Variants in PIWIL2 observed in about 807,000 individuals in gnomAD.
PIWIL2 encodes piwi like RNA-mediated gene silencing 2.
In PIWIL2, 81 loss-of-function variants were observed where a neutral mutation model predicts 116.5. The observed-to-expected ratio is 0.70, with a 90% CI of 0.58 to 0.84. PIWIL2 has a LOEUF of 0.84. PIWIL2 is among the 40% of genes least tolerant of loss of function. PIWIL2 has a pLI of 0.00. For missense variants in PIWIL2, 1,272 were observed against 1,212.3 expected, an observed-to-expected ratio of 1.05 and a Z score of -0.73; for synonymous variants, 489 against 429.5, an observed-to-expected ratio of 1.14 and a Z score of -1.71.
At chr8:22,290,484 C>G (rs1830734278) in intron 10 of PIWIL2, 138 bp downstream of exon 10, 5 of 578,050 alleles carry the variant, frequency 8.6e-6, no homozygotes. Flanking sequence ...TTTTGTCACC[C>G]TGGCTGGAGT....
intron 20 of PIWIL2, among the ~76,000 whole-genome samples, chr8:22,351,987 C>T (rs1001220998): frequency 1.3e-5 from 2 of 152,182 alleles, no homozygotes; most frequent in African/African-American, 4.8e-5. Context: ...TTTTGTTGCC[C>T]AGGCTGGAGT....
chr8:22,309,962 T>C lies in PIWIL2; in HGVS notation c.1688T>C (p.Ile563Thr), dbSNP rs139133214. ...GLRLQKDVHK[I>T]EGRVLPMERI... ...ATAGATGGTTTATTTTCTGTTTAGA[T>C]TGAAGGACGTGTTCTGCCAATGGAA... Residue 563 changes from isoleucine to threonine, a missense_variant and splice_region_variant, in exon 15 of 23, where the codon ATT becomes ACT. By Grantham distance (89) the Ile-to-Thr change is moderately conservative. Coordinates refer to ENST00000356766, the MANE Select transcript of PIWIL2 (RefSeq NM_018068.5). The C allele has an allele frequency of 1.3e-4, 210 of 1,573,380 alleles. No individual in the cohort carries two copies. Among genetic ancestry groups the C allele is most frequent in the Non-Finnish European group, 1.7e-4 (194 of 1,143,462 alleles).
intron 20 of PIWIL2, among the ~76,000 whole-genome samples, chr8:22,341,526 C>T (rs1050747958): frequency 6.9e-6 from 1 of 145,062 alleles, no homozygotes; most frequent in Admixed American, 7.4e-5. Context: ...ACCTGGGAGG[C>T]GAAGGTTGCG....
chr8:22,347,281 C>T (rs570305397), intron 20 of PIWIL2, among the ~76,000 whole-genome samples: 69 of 149,420 alleles, frequency 4.6e-4, no homozygotes, highest in South Asian at 1.3e-3. Context: ...GGTGTGCTCT[C>T]GGCTCACTGT....
chr8:22,297,932 T>C (rs1830950970), intron 10 of PIWIL2, among the ~76,000 whole-genome samples: 1 of 152,124 alleles, frequency 6.6e-6, no homozygotes, highest in Non-Finnish European at 1.5e-5. Context: ...CTTATATGTA[T>C]AGACAGCAGT....
chr8:22,336,093 A>G (rs1831975750), intron 20 of PIWIL2, among the ~76,000 whole-genome samples: 1 of 152,222 alleles, frequency 6.6e-6, no homozygotes, highest in South Asian at 2.1e-4. Context: ...TATAATAATT[A>G]GATGTAAGAT....
chr8:22,322,420 T>C (rs1831620369), intron 20 of PIWIL2, among the ~76,000 whole-genome samples: 2 of 151,902 alleles, frequency 1.3e-5, no homozygotes, highest in South Asian at 4.2e-4. Context: ...CCAGCTAATT[T>C]TTGTATTTTT....
chr8:22,300,216 A>T (rs2132022557), intron 10 of PIWIL2, among the ~76,000 whole-genome samples: 1 of 152,240 alleles, frequency 6.6e-6, no homozygotes, highest in Non-Finnish European at 1.5e-5. Context: ...GATTATAGGC[A>T]TAAGGGGGGC....
At chr8:22,284,120 T>G in intron 5 of PIWIL2, 42 bp from the exon 6 acceptor site, 1 of 1,072,512 alleles carries the variant, frequency 9.3e-7, no homozygotes. Context: ...TTTGTTTTTT[T>G]GTTTTTGATA....
Position 22,306,762 on chromosome 8 carries a change from A to G in PIWIL2, c.1545+746A>G, listed in dbSNP as rs144042739. ...GAGATTTTTTTCATGTTTACCTTCC[A>G]GTTCTTCTACTTTCACCTACCTTGT... On this transcript the variant is annotated intron_variant, in intron 13 of 22. Coordinates refer to ENST00000356766, the MANE Select transcript of PIWIL2 (RefSeq NM_018068.5). Among the ~76,000 whole-genome samples, 886 of 152,236 alleles carry G rather than the reference A, an allele frequency of 5.8e-3. 7 individuals carry two copies. Among genetic ancestry groups the G allele is most frequent in the Non-Finnish European group, 9.9e-3 (670 of 68,002 alleles).
intron 17 of PIWIL2, 143 bp from the exon 18 acceptor site, chr8:22,314,886 A>G (rs1055256343): frequency 9.4e-6 from 6 of 640,554 alleles, no homozygotes; most frequent in Non-Finnish European, 1.7e-5. Context: ...TAGAAACCCT[A>G]GAATTAGAAT....
chr8:22,334,280 T>C (rs143283316), intron 20 of PIWIL2, among the ~76,000 whole-genome samples: 1 of 151,652 alleles, frequency 6.6e-6, no homozygotes, highest in Admixed American at 6.6e-5. Context: ...TGGCCCTGGG[T>C]ACAAGGTTCT....
At chr8:22,322,520 G>A (rs749284585) in intron 20 of PIWIL2, among the ~76,000 whole-genome samples, 1 of 152,158 alleles carries the variant, frequency 6.6e-6, no homozygotes, top group Non-Finnish European at 1.5e-5. Context: ...CGCCTACTCA[G>A]CGTCCCAGAG....
intron 20 of PIWIL2, among the ~76,000 whole-genome samples, chr8:22,343,435 C>CAA (rs564290226): frequency 4.2e-5 from 6 of 141,920 alleles, no homozygotes; most frequent in African/African-American, 1.6e-4. Context: ...AACTCCATCT[C>CAA]AAAAAAAAAA....
intron 20 of PIWIL2, among the ~76,000 whole-genome samples, chr8:22,338,060 A>G (rs1306619170): frequency 1.3e-5 from 2 of 151,970 alleles, no homozygotes; most frequent in Non-Finnish European, 2.9e-5. Flanking sequence ...TGCCACTGCT[A>G]CAGCCTGTGT....
Position 22,288,609 on chromosome 8 carries a change from A to G in PIWIL2, c.929A>G (p.Lys310Arg), listed in dbSNP as rs751287653. Residue 310 changes from lysine to arginine, a missense_variant, in exon 8 of 23, where the codon AAG becomes AGG. Coordinates refer to ENST00000356766, the MANE Select transcript of PIWIL2 (RefSeq NM_018068.5). ...AEISIKIQMT[K>R]ILEPCSDLCI... ...ATCAGCATTAAGATTCAGATGACAA[A>G]GATCCTGGAGCCCTGCTCTGACCTG... 4 of 1,613,618 alleles carry G rather than the reference A, an allele frequency of 2.5e-6. No homozygotes were observed. The highest frequency in any genetic ancestry group is 3.4e-6 in the Non-Finnish European group (4 of 1,179,596).
rs760403898 is a variant in PIWIL2, at chr8:22,289,878, G to A, written c.1018G>A (p.Gly340Arg). ...VMKLLDMKLV[G>R]RNFYDPTSAM... Reference sequence around the variant, plus strand: ...GAAACTTTTAGATATGAAGCTTGTGGGGAGAAACTTTTATGACCCTACAAG... The same window carrying A: ...GAAACTTTTAGATATGAAGCTTGTGAGGAGAAACTTTTATGACCCTACAAG... Residue 340 changes from glycine to arginine, a missense_variant, in exon 9 of 23, where the codon GGG (glycine) becomes AGG (arginine). By Grantham distance (125) the Gly-to-Arg change is moderately radical. Transcript: ENST00000356766. 9 of 1,611,950 alleles carry A rather than the reference G, an allele frequency of 5.6e-6. No homozygotes were observed. In the South Asian group the frequency reaches 8.8e-5, roughly 16 times the overall value.
intron 15 of PIWIL2, among the ~76,000 whole-genome samples, chr8:22,310,794 C>T (rs953429057): frequency 5.9e-5 from 9 of 152,146 alleles, no homozygotes; most frequent in Non-Finnish European, 1.2e-4. Context: ...TTACCAATTT[C>T]TGTACTTTAC....
intron 20 of PIWIL2, among the ~76,000 whole-genome samples, chr8:22,340,401 C>G (rs951692319): frequency 1.5e-4 from 23 of 152,256 alleles, no homozygotes; most frequent in African/African-American, 5.1e-4. Context: ...TTAAATAAAG[C>G]TTCTCCAGAT....
Sources: gnomAD v4.1 joint callset for allele counts (sites outside exome capture counted in the v4.1 genomes callset) on GRCh38, gnomAD v4.1.1 for gene constraint, MANE v1.5 for transcripts, NCBI Gene and HGNC (gene_info 2026-07-23, HGNC 2026-07-21) for gene names.